ADCY1: variants seen among roughly 807,000 people sequenced by gnomAD.
ADCY1 encodes adenylate cyclase type 1.
A neutral mutation model predicts 105.4 loss-of-function variants in ADCY1; 28 were observed. That is an observed-to-expected ratio of 0.27 (90% CI 0.20 to 0.36). ADCY1 has a LOEUF of 0.36. Ranked by LOEUF, ADCY1 falls within the 10% of genes least tolerant of loss-of-function variation. The pLI, the probability that ADCY1 is intolerant of heterozygous loss-of-function variation, is 1.00. For missense variants in ADCY1, 977 were observed against 1,434.2 expected, an observed-to-expected ratio of 0.68 and a Z score of 5.15; for synonymous variants, 655 against 623.8, an observed-to-expected ratio of 1.05 and a Z score of -0.75.
At chr7:45,603,420 A>G (rs2115829828) in intron 2 of ADCY1, among the ~76,000 whole-genome samples, 1 of 152,276 alleles carries the variant, frequency 6.6e-6, no homozygotes, top group Middle Eastern at 3.4e-3. Flanking sequence ...TTCCATCCCT[A>G]CCAGGAGTAT....
chr7:45,589,486 C>G (rs1173411845), intron 1 of ADCY1, among the ~76,000 whole-genome samples: 2 of 152,230 alleles, frequency 1.3e-5, no homozygotes, highest in African/African-American at 4.8e-5. Context: ...AGCCACATTA[C>G]AATTGCCTTG....
chr7:45,708,347 T>C lies in ADCY1; in HGVS notation c.2818-3T>C, dbSNP rs1328665837. On this transcript the variant is annotated splice_polypyrimidine_tract_variant and splice_region_variant and intron_variant, in intron 17 of 19. Transcript: ENST00000297323. This position sits in a 1 kb window ranked among gnomAD's most constrained non-coding sequence, Gnocchi z 4.7. ...TGTAATGACCCCATCTGTTTACACC[T>C]AGGCTAAGAAGTCCATCTCCTCCCA... 2 of 1,612,380 alleles carry C rather than the reference T, an allele frequency of 1.2e-6. No individual in the cohort carries two copies. The highest frequency in any genetic ancestry group is 1.7e-6 in the Non-Finnish European group (2 of 1,178,382).
chr7:45,577,316 T>C (rs1224645821), intron 1 of ADCY1, among the ~76,000 whole-genome samples: 1 of 152,198 alleles, frequency 6.6e-6, no homozygotes, highest in Non-Finnish European at 1.5e-5. Flanking sequence ...TCCACGTGTC[T>C]ATACAGGTGG....
chr7:45,677,107 C>T (rs1189846644), intron 8 of ADCY1, among the ~76,000 whole-genome samples: 3 of 152,110 alleles, frequency 2.0e-5, no homozygotes, highest in African/African-American at 7.2e-5. Context: ...TCCCTGCGAT[C>T]ACCCTCTTCT....
chr7:45,654,145 G>A (rs182537397), intron 5 of ADCY1, among the ~76,000 whole-genome samples: 26 of 152,300 alleles, frequency 1.7e-4, no homozygotes, highest in South Asian at 1.2e-3. Flanking sequence ...AGAGGGAGCC[G>A]GTGGCCAATA....
intron 5 of ADCY1, among the ~76,000 whole-genome samples, chr7:45,651,332 G>A (rs1794804905): frequency 6.6e-6 from 1 of 152,160 alleles, no homozygotes; most frequent in Admixed American, 6.5e-5. Context: ...GACCATCTTG[G>A]CATCTGGTGC....
intron 3 of ADCY1, among the ~76,000 whole-genome samples, chr7:45,618,662 TG>T (rs1344015018): frequency 6.6e-6 from 1 of 152,052 alleles, no homozygotes; most frequent in Non-Finnish European, 1.5e-5. Context: ...CAAACCACAA[TG>T]AGAATCATCT....
chr7:45,583,937 GTTT>G (rs869216986), intron 1 of ADCY1, among the ~76,000 whole-genome samples: 8 of 56,894 alleles, frequency 1.4e-4, no homozygotes, highest in South Asian at 7.8e-4. Flanking sequence ...ACTGTGCCCT[GTTT>G]TTTTTTTTTT....
At position 45,670,717 on chromosome 7, in the gene ADCY1, C is replaced by T. The variant is rs180889884; in HGVS notation, c.1606-7152C>T. Among the ~76,000 whole-genome samples, 18 of 152,210 alleles carry T rather than the reference C, an allele frequency of 1.2e-4. No homozygotes were observed. In the East Asian group the frequency reaches 2.5e-3, roughly 21 times the overall value. The stretch of plus-strand genomic sequence containing the variant: ...GACCACAGGGAGGATCTGTGTCCCT[C>T]AGTCCCTGACTTGATGTTGAAGGGT... On this transcript the variant is annotated intron_variant, in intron 8 of 19. Transcript: ENST00000297323.
intron 2 of ADCY1, among the ~76,000 whole-genome samples, chr7:45,602,394 C>T (rs1793264700): frequency 6.6e-6 from 1 of 152,086 alleles, no homozygotes; most frequent in African/African-American, 2.4e-5. Context: ...GCCCTGTATC[C>T]CTGAGTTCAG....
chr7:45,592,997 C>A, intron 2 of ADCY1, 89 bp downstream of exon 2: 2 of 1,536,978 alleles, frequency 1.3e-6, no homozygotes, highest in South Asian at 1.2e-5. Flanking sequence ...CAGTTTACCC[C>A]GTGGTGACAT....
rs2116293777 is a variant in ADCY1, at chr7:45,715,164, A to T, written c.*1169A>T. 6.6e-6 allele frequency: 1 copy of T among 152,388 alleles called. No individual in the cohort carries two copies. The highest frequency in any genetic ancestry group is 3.4e-3 in the Middle Eastern group (1 of 294). The allele number at this position is 152,388 out of a possible 1,614,324, so 9.4% of individuals were successfully genotyped here. On this transcript the variant is annotated 3_prime_UTR_variant, in exon 20 of 20. Coordinates refer to ENST00000297323, the MANE Select transcript of ADCY1 (RefSeq NM_021116.4). ...TCTAAATAGTCACAATGAAGATGAA[A>T]ATAAGGATGATGGGGACGGGGTCCA...
intron 2 of ADCY1, among the ~76,000 whole-genome samples, chr7:45,595,943 C>A (rs1305757579): frequency 6.6e-6 from 1 of 152,228 alleles, no homozygotes; most frequent in East Asian, 1.9e-4. Flanking sequence ...CTCCTGGCTA[C>A]CTGCTGTCTG....
At position 45,662,145 on chromosome 7, in the gene ADCY1, G is replaced by T; in HGVS notation, c.1536G>T (p.Met512Ile). The T allele has an allele frequency of 6.2e-7, 1 of 1,614,172 alleles. No individual in the cohort carries two copies. The highest frequency in any genetic ancestry group is 1.3e-5 in the African/African-American group (1 of 75,074). ...TCTGCTACCTGCTGGTGCAGCTCATGCACTGCCGGAAAATGTTCAAGGCCG... is the reference window on the plus strand; with the variant it reads ...TCTGCTACCTGCTGGTGCAGCTCATTCACTGCCGGAAAATGTTCAAGGCCG... ...KTVCYLLVQL[M>I]HCRKMFKAEI... is the part of the protein sequence containing the mutation. The change falls in exon 8 of 20, where the codon ATG becomes ATT. Residue 512 changes from methionine to isoleucine, a missense_variant. Coordinates refer to ENST00000297323, the MANE Select transcript of ADCY1 (RefSeq NM_021116.4).
chr7:45,686,219 A>C lies in ADCY1; in HGVS notation c.2327+4A>C. 1 of 1,612,076 alleles carries C rather than the reference A, an allele frequency of 6.2e-7. No homozygotes were observed. The highest frequency in any genetic ancestry group is 8.5e-7 in the Non-Finnish European group (1 of 1,178,696). ...TCAGCGGATACACCAGGACTGGGTA[A>C]GTGTGTGGCTCCTCAAGAAAAAGGC... On this transcript the variant is annotated splice_donor_region_variant and intron_variant, in intron 13 of 19. Coordinates refer to ENST00000297323, the MANE Select transcript of ADCY1 (RefSeq NM_021116.4). This position sits in a 1 kb window ranked among gnomAD's most constrained non-coding sequence, Gnocchi z 4.3.
chr7:45,585,425 T>C (rs75659551), intron 1 of ADCY1, among the ~76,000 whole-genome samples: 1 of 150,624 alleles, frequency 6.6e-6, no homozygotes, highest in Non-Finnish European at 1.5e-5. Flanking sequence ...CAGGGTCCCA[T>C]TGGGTGGGTA....
At chr7:45,671,193 G>A (rs1181774720) in intron 8 of ADCY1, among the ~76,000 whole-genome samples, 1 of 152,180 alleles carries the variant, frequency 6.6e-6, no homozygotes, top group Non-Finnish European at 1.5e-5. Flanking sequence ...TACAGTATGT[G>A]ATCTCTGAAA....
chr7:45,679,074 TA>T (rs1784512579), intron 10 of ADCY1, among the ~76,000 whole-genome samples: 1 of 152,214 alleles, frequency 6.6e-6, no homozygotes. Flanking sequence ...TATTTTATTT[TA>T]TTTTTTTTGC....
chr7:45,689,384 T>C (rs530125835), intron 14 of ADCY1, among the ~76,000 whole-genome samples: 41 of 152,186 alleles, frequency 2.7e-4, no homozygotes, highest in Admixed American at 2.6e-3. Flanking sequence ...CTACAGGCTG[T>C]ACCAACAGGC....
Sources: gnomAD v4.1 joint callset for allele counts (sites outside exome capture counted in the v4.1 genomes callset) on GRCh38, gnomAD v4.1.1 for gene constraint, Gnocchi (gnomAD v3.1) non-coding constraint, MANE v1.5 for transcripts, NCBI Gene and HGNC (gene_info 2026-07-23, HGNC 2026-07-21) for gene names.